IGF1R: variants seen among roughly 807,000 people sequenced by gnomAD.
IGF1R encodes the protein insulin-like growth factor 1 receptor.
IGF1R carries 44 observed loss-of-function variants against 144.6 expected under a neutral mutation model. The ratio of observed to expected loss-of-function variants is 0.30; its 90% CI spans 0.24 to 0.39. The LOEUF (loss-of-function observed/expected upper bound fraction) is 0.39. Ranked by LOEUF, IGF1R falls within the 10% of genes least tolerant of loss-of-function variation. IGF1R has a pLI of 1.00. For synonymous variants in IGF1R, 795 were observed against 722.8 expected (o/e 1.10, Z -1.60); for missense variants, 1,355 against 1,833.7 (o/e 0.74, Z 4.77).
chr15:98,707,569 G>C lies in IGF1R; in HGVS notation c.102G>C (p.Gly34=). 6.2e-7 allele frequency: 1 copy of C among 1,614,126 alleles called. No individual in the cohort carries two copies. Among genetic ancestry groups the C allele is most frequent in the South Asian group, 1.1e-5 (1 of 91,076 alleles). The change falls in exon 2 of 21, where the codon GGG becomes GGC. Residue 34 remains glycine, a synonymous_variant. Transcript: ENST00000650285. This position sits in a 1 kb window ranked among gnomAD's most constrained non-coding sequence, Gnocchi z 6.7. ...SLWPTSGEIC[G]PGIDIRNDYQ... ...CCTCTTGTCTCCCTTCAGTCTGCGG[G>C]CCAGGCATCGACATCCGCAACGACT...
intron 15 of IGF1R, among the ~76,000 whole-genome samples, chr15:98,933,672 G>A (rs1232051660): frequency 6.6e-6 from 1 of 152,170 alleles, no homozygotes; most frequent in Non-Finnish European, 1.5e-5. Flanking sequence ...AACAGAAACT[G>A]GAGAAGAAAT....
intron 2 of IGF1R, among the ~76,000 whole-genome samples, chr15:98,751,756 G>A (rs978012105): frequency 1.3e-5 from 2 of 152,108 alleles, no homozygotes; most frequent in African/African-American, 4.8e-5. Flanking sequence ...GTTGAGACTC[G>A]GACCTATGCT....
At chr15:98,937,631 G>A (rs1486867487) in intron 17 of IGF1R, among the ~76,000 whole-genome samples, 2 of 152,154 alleles carry the variant, frequency 1.3e-5, no homozygotes, top group African/African-American at 4.8e-5. Context: ...ACTACGAGTA[G>A]GTGTATATGT....
chr15:98,948,311 G>A (rs2684790), intron 19 of IGF1R, among the ~76,000 whole-genome samples: 30,873 of 152,062 alleles, frequency 0.2, 3,632 homozygotes, highest in African/African-American at 0.33. Context: ...CTTCCTGACC[G>A]TGCAAGGGAT....
intron 2 of IGF1R, among the ~76,000 whole-genome samples, chr15:98,737,132 C>A (rs1026528895): frequency 1.3e-5 from 2 of 152,250 alleles, no homozygotes. Flanking sequence ...AATGGAATGG[C>A]TTTTTGTGTG....
At chr15:98,692,059 C>G (rs2053490153) in intron 1 of IGF1R, among the ~76,000 whole-genome samples, 1 of 152,088 alleles carries the variant, frequency 6.6e-6, no homozygotes, top group Non-Finnish European at 1.5e-5. Context: ...TTTGGCCGGG[C>G]ACAGAGTGGC....
At position 98,949,130 on chromosome 15, in the gene IGF1R, C is replaced by T. The variant is rs112499451; in HGVS notation, c.3722+422C>T. On this transcript the variant is annotated intron_variant, in intron 20 of 20. Coordinates refer to ENST00000650285, the MANE Select transcript of IGF1R (RefSeq NM_000875.5). ...CCACCTGTGGCAGGCCTGAGGGAGCCGCCGCAGTGAGTGTGCACACAGCTG... is the reference window on the plus strand; with the variant it reads ...CCACCTGTGGCAGGCCTGAGGGAGCTGCCGCAGTGAGTGTGCACACAGCTG... 2.8e-3 allele frequency among the ~76,000 whole-genome samples: 431 copies of T among 152,284 alleles called. 3 individuals are homozygous for T. Among genetic ancestry groups the T allele is most frequent in the African/African-American group, 9.7e-3 (401 of 41,552 alleles).
Position 98,824,938 on chromosome 15 carries a change from G to C in IGF1R, c.641-66387G>C, listed in dbSNP as rs1284931412. Among the ~76,000 whole-genome samples, 4 of 151,866 alleles carry C rather than the reference G, an allele frequency of 2.6e-5. No individual in the cohort carries two copies. The East Asian group carries it at 7.7e-4, about 29-fold the overall frequency. ...TGCAACCTCTGCCTTCCGGGTTCAAGCGATTCTCCTGCCTCAGCCTCCCTA... is the reference window on the plus strand; with the variant it reads ...TGCAACCTCTGCCTTCCGGGTTCAACCGATTCTCCTGCCTCAGCCTCCCTA... On this transcript the variant is annotated intron_variant, in intron 2 of 20. Transcript: ENST00000650285.
At chr15:98,660,303 C>T (rs2052571809) in intron 1 of IGF1R, 2 of 152,180 alleles carry the variant, frequency 1.3e-5, no homozygotes, top group South Asian at 2.1e-4. Context: ...TAAGAGTTAG[C>T]TGTAATTTCA....
At chr15:98,931,917 T>C (rs2015957861) in intron 15 of IGF1R, among the ~76,000 whole-genome samples, 1 of 152,000 alleles carries the variant, frequency 6.6e-6, no homozygotes, top group Non-Finnish European at 1.5e-5. Flanking sequence ...AGAAAATCAG[T>C]AAGGAAGGGA....
intron 4 of IGF1R, chr15:98,897,332 G>A (rs1449724227): frequency 5.1e-6 from 1 of 195,398 alleles, no homozygotes; most frequent in African/African-American, 2.4e-5. Flanking sequence ...GGGAAGTTTA[G>A]TGATATCACG....
chr15:98,791,927 C>T (rs73479708), intron 2 of IGF1R, among the ~76,000 whole-genome samples: 7,069 of 152,236 alleles, frequency 0.046, 558 homozygotes, highest in African/African-American at 0.16. Context: ...GAGCAATCTG[C>T]TCTAATATCC....
intron 1 of IGF1R, among the ~76,000 whole-genome samples, chr15:98,696,918 T>C (rs2053608873): frequency 6.6e-6 from 1 of 152,168 alleles, no homozygotes. Context: ...TACCTGGTCT[T>C]AGTAGAAATC....
chr15:98,787,554 G>A (rs906100687), intron 2 of IGF1R, among the ~76,000 whole-genome samples: 1 of 152,108 alleles, frequency 6.6e-6, no homozygotes, highest in Non-Finnish European at 1.5e-5. Context: ...AGCAGATGTA[G>A]AGTATTGATC....
intron 2 of IGF1R, among the ~76,000 whole-genome samples, chr15:98,839,379 C>A (rs910754606): frequency 2.4e-4 from 36 of 152,114 alleles, no homozygotes; most frequent in African/African-American, 8.7e-4. Flanking sequence ...GAAGTCTCCC[C>A]CACCTCCCTA....
intron 2 of IGF1R, among the ~76,000 whole-genome samples, chr15:98,714,141 A>G (rs1596223720): frequency 1.3e-5 from 2 of 152,186 alleles, no homozygotes; most frequent in South Asian, 4.1e-4. Context: ...CACTGATGGC[A>G]TCTCACTGAC....
chr15:98,676,814 G>A (rs1392809320), intron 1 of IGF1R, among the ~76,000 whole-genome samples: 1 of 152,088 alleles, frequency 6.6e-6, no homozygotes, highest in Non-Finnish European at 1.5e-5. Flanking sequence ...AGGTCATAGA[G>A]GTTGTATACT....
intron 17 of IGF1R, among the ~76,000 whole-genome samples, chr15:98,938,274 T>C (rs1171551287): frequency 1.3e-5 from 2 of 152,226 alleles, no homozygotes; most frequent in African/African-American, 4.8e-5. Context: ...GTGTGGGACC[T>C]GTCAGAGCCC....
chr15:98,758,407 T>C (rs1443656456), intron 2 of IGF1R, among the ~76,000 whole-genome samples: 2 of 152,102 alleles, frequency 1.3e-5, no homozygotes, highest in Admixed American at 1.3e-4. Context: ...TTTCTTTGCT[T>C]GCCGATGGCT....
Sources: gnomAD v4.1 joint callset for allele counts (sites outside exome capture counted in the v4.1 genomes callset) on GRCh38, gnomAD v4.1.1 for gene constraint, Gnocchi (gnomAD v3.1) non-coding constraint, MANE v1.5 for transcripts, NCBI Gene and HGNC (gene_info 2026-07-23, HGNC 2026-07-21) for gene names.